The following PIEZO2 variants were observed in gnomAD, a reference collection of about 807,000 sequenced individuals.
The protein encoded by PIEZO2 is piezo type mechanosensitive ion channel component 2.
A neutral mutation model predicts 337.3 loss-of-function variants in PIEZO2; 172 were observed. The observed-to-expected ratio is 0.51, with a 90% CI of 0.45 to 0.58. The LOEUF (loss-of-function observed/expected upper bound fraction) is 0.58, where lower values mean the gene tolerates loss of function less well. Ranked by LOEUF, PIEZO2 falls within the 20% of genes least tolerant of loss-of-function variation. The probability of loss-of-function intolerance (pLI) is 0.00; values close to 1 mark genes in which losing one functional copy is unlikely to be tolerated. For synonymous variants in PIEZO2, 1,251 were observed against 1,228.5 expected (o/e 1.02, Z -0.38); for missense variants, 3,028 against 3,391.3 (o/e 0.89, Z 2.66).
At chr18:10,904,314 C>T (rs943119563) in intron 4 of PIEZO2, among the ~76,000 whole-genome samples, 10 of 152,166 alleles carry the variant, frequency 6.6e-5, no homozygotes, top group Admixed American at 2.0e-4. Context: ...CCCATAAAAC[C>T]GAGTTACCGC....
Position 11,009,317 on chromosome 18 carries a change from A to T in PIEZO2, c.161-29657T>A, listed in dbSNP as rs2035818541. Among the ~76,000 whole-genome samples the T allele has an allele frequency of 6.6e-6, 1 of 152,170 alleles. No homozygotes were observed. Among genetic ancestry groups the T allele is most frequent in the African/African-American group, 2.4e-5 (1 of 41,436 alleles). ...CCCCTTGGGAATCTTTAAGAATAGG[A>T]TGGATGTCCAGACTCCACCCCTGGA... On this transcript the variant is annotated intron_variant, in intron 2 of 55. Transcript: ENST00000674853. The surrounding 1 kb of genome is among the most constrained non-coding windows in gnomAD (Gnocchi z 4.6).
Position 11,002,233 on chromosome 18 carries a change from T to C in PIEZO2, c.161-22573A>G, listed in dbSNP as rs2145612872. 6.6e-6 allele frequency among the ~76,000 whole-genome samples: 1 copy of C among 152,318 alleles called. No homozygotes were observed. The highest frequency in any genetic ancestry group is 2.4e-5 in the African/African-American group (1 of 41,576). ...ATTTTTCTCTTGATTTTTTCAACCA[T>C]TTACATTCGCTCCTAGGTCATACAA... On this transcript the variant is annotated intron_variant, in intron 2 of 55. Transcript: ENST00000674853. This position sits in a 1 kb window ranked among gnomAD's most constrained non-coding sequence, Gnocchi z 4.3.
chr18:11,055,248 G>A (rs1260572949), intron 2 of PIEZO2, among the ~76,000 whole-genome samples: 3 of 151,780 alleles, frequency 2.0e-5, no homozygotes, highest in Non-Finnish European at 2.9e-5. Flanking sequence ...TCACCAAGGG[G>A]CAGGGGCAGG....
At chr18:11,139,597 C>T (rs72876017) in intron 1 of PIEZO2, among the ~76,000 whole-genome samples, 17,160 of 152,122 alleles carry the variant, frequency 0.11, 1,399 homozygotes, top group Non-Finnish European at 0.17. Flanking sequence ...AGCAAATAAG[C>T]TATTTGACCT....
At position 10,752,820 on chromosome 18, in the gene PIEZO2, G is replaced by C; in HGVS notation, c.3983C>G (p.Thr1328Ser). The change falls in exon 28 of 56, where the codon ACC becomes AGC. Residue 1328 changes from threonine to serine, a missense_variant. Transcript: ENST00000674853. ...IFSYLFWFVL[T>S]IIFITGTTRI... ...GGTGGTCCCAGTGATGAAGATGATG[G>C]TGAGCACAAACCAGAAGAGGTAGCT... 1 of 1,537,174 alleles carries C rather than the reference G, an allele frequency of 6.5e-7. No individual in the cohort carries two copies. The highest frequency in any genetic ancestry group is 8.7e-7 in the Non-Finnish European group (1 of 1,146,904).
In PIEZO2 at chr18:10,697,869, T is replaced by C. The variant is rs762602420; in HGVS notation, c.6706A>G (p.Thr2236Ala). The change falls in exon 45 of 56, where the codon ACC becomes GCC. Residue 2236 changes from threonine (T) to alanine (A), a missense_variant. Thr to Ala is a moderately conservative substitution (Grantham distance 58). Transcript: ENST00000674853. ...CTTCCTTTTTGACTGCTGTTTCGGG[T>C]GCTTGTGCTGCCTAGAAATAAAAAG... The part of the protein sequence containing the change: ...SNRSQRGSTS[T>A]RNSSQKGSSV... 7.4e-6 allele frequency: 12 copies of C among 1,612,148 alleles called. No homozygotes were observed. Among genetic ancestry groups the C allele is most frequent in the African/African-American group, 1.3e-5 (1 of 74,916 alleles).
In PIEZO2 at chr18:11,001,514, T is replaced by C. The variant is rs2035533494; in HGVS notation, c.161-21854A>G. 6.6e-6 allele frequency among the ~76,000 whole-genome samples: 1 copy of C among 152,094 alleles called. No homozygotes were observed. Among genetic ancestry groups the C allele is most frequent in the Non-Finnish European group, 1.5e-5 (1 of 68,024 alleles). On this transcript the variant is annotated intron_variant, in intron 2 of 55. Coordinates refer to ENST00000674853, the MANE Select transcript of PIEZO2 (RefSeq NM_001378183.1). This position sits in a 1 kb window ranked among gnomAD's most constrained non-coding sequence, Gnocchi z 5.3. ...TGTGATTATCCTCCAGTCCCCTATGTAGCTGTATTTTGTTATGTGTTGTGT... is the reference window on the plus strand; with the variant it reads ...TGTGATTATCCTCCAGTCCCCTATGCAGCTGTATTTTGTTATGTGTTGTGT...
intron 7 of PIEZO2, among the ~76,000 whole-genome samples, chr18:10,851,942 T>A (rs1292585294): frequency 6.6e-6 from 1 of 152,088 alleles, no homozygotes; most frequent in Non-Finnish European, 1.5e-5. Context: ...CTAGATGGCA[T>A]AAAAGATCCT....
At chr18:10,761,632 AC>A (rs1342626998) in intron 23 of PIEZO2, among the ~76,000 whole-genome samples, 1 of 152,250 alleles carries the variant, frequency 6.6e-6, no homozygotes, top group Non-Finnish European at 1.5e-5. Flanking sequence ...AAAATAGTTA[AC>A]ATTTATGGAA....
intron 2 of PIEZO2, among the ~76,000 whole-genome samples, chr18:11,017,008 G>A (rs1471826120): frequency 6.6e-6 from 1 of 152,178 alleles, no homozygotes; most frequent in Non-Finnish European, 1.5e-5. Flanking sequence ...AGTCTCAGGT[G>A]GAAGAACCAG....
chr18:10,745,540 T>C (rs1310600096), intron 30 of PIEZO2, among the ~76,000 whole-genome samples: 2 of 152,170 alleles, frequency 1.3e-5, no homozygotes, highest in Non-Finnish European at 2.9e-5. Flanking sequence ...GTTCAGTTGT[T>C]ATTTTTGTCC....
chr18:10,740,207 T>G (rs1183642342), intron 33 of PIEZO2: 1 of 152,352 alleles, frequency 6.6e-6, no homozygotes, highest in Admixed American at 6.5e-5. Flanking sequence ...CGACCTATAG[T>G]GATATTTTCT....
Position 10,682,285 on chromosome 18 carries a change from G to A in PIEZO2, c.7505C>T (p.Pro2502Leu). 1 of 1,535,212 alleles carries A rather than the reference G, an allele frequency of 6.5e-7. No individual in the cohort carries two copies. Among genetic ancestry groups the A allele is most frequent in the Non-Finnish European group, 8.7e-7 (1 of 1,145,742 alleles). The change falls in exon 50 of 56, where the codon CCT becomes CTT. Residue 2502 changes from proline to leucine, a missense_variant. Coordinates refer to ENST00000674853, the MANE Select transcript of PIEZO2 (RefSeq NM_001378183.1). This position sits in a 1 kb window ranked among gnomAD's most constrained non-coding sequence, Gnocchi z 5.6. ...CTTCTTCTTCTGGCCCCGTGGCTGA[G>A]GGTATCTCTGCAACAGAGAGTTCAG... ...KCWRESEKRY[P>L]QPRGQKKKKV...
chr18:10,976,377 C>T (rs2034441449), intron 3 of PIEZO2, among the ~76,000 whole-genome samples: 1 of 152,218 alleles, frequency 6.6e-6, no homozygotes, highest in Admixed American at 6.5e-5. Flanking sequence ...TTTATGATTT[C>T]TATAAACCCA....
At chr18:11,061,590 C>A (rs1191559959) in intron 2 of PIEZO2, among the ~76,000 whole-genome samples, 1 of 152,072 alleles carries the variant, frequency 6.6e-6, no homozygotes, top group Non-Finnish European at 1.5e-5. Context: ...ACAAAAATCA[C>A]AAGCATTCTT....
rs2038399418 is a variant in PIEZO2, at chr18:10,767,144, A to G, written c.2946+3004T>C. On this transcript the variant is annotated intron_variant, in intron 21 of 55. Coordinates refer to ENST00000674853, the MANE Select transcript of PIEZO2 (RefSeq NM_001378183.1). The surrounding 1 kb of genome is among the most constrained non-coding windows in gnomAD (Gnocchi z 4.2). ...GAGCTGTCCAATAGCCTTCGGAATT[A>G]GAAAGTAGCTGTGTATTTCAAAAGG... Among the ~76,000 whole-genome samples, 1 of 152,126 alleles carries G rather than the reference A, an allele frequency of 6.6e-6. No homozygotes were observed. The highest frequency in any genetic ancestry group is 1.5e-5 in the Non-Finnish European group (1 of 68,042).
intron 1 of PIEZO2, among the ~76,000 whole-genome samples, chr18:11,090,737 A>C (rs962857111): frequency 4.0e-5 from 6 of 151,812 alleles, no homozygotes; most frequent in African/African-American, 9.7e-5. Flanking sequence ...CGGTGAAACC[A>C]GTCTCTACTA....
In PIEZO2 at chr18:10,702,051, C is replaced by T; in HGVS notation, c.6379G>A (p.Gly2127Ser). Residue 2127 changes from glycine to serine, a missense_variant, in exon 43 of 56, where the codon GGT (glycine) becomes AGT (serine). Coordinates refer to ENST00000674853, the MANE Select transcript of PIEZO2 (RefSeq NM_001378183.1). ...PNIIGVEKKE[G>S]YVLYDLIQLL... ...TGGATGAGGTCATAGAGAACATAACCTTCCTTCTTTTCCACTCCTATGATG... is the reference window on the plus strand; with the variant it reads ...TGGATGAGGTCATAGAGAACATAACTTTCCTTCTTTTCCACTCCTATGATG... 1 of 1,536,770 alleles carries T rather than the reference C, an allele frequency of 6.5e-7. No individual in the cohort carries two copies. The highest frequency in any genetic ancestry group is 8.7e-7 in the Non-Finnish European group (1 of 1,146,736).
Position 10,763,086 on chromosome 18 carries a change from TGAACA to T in PIEZO2, c.2954_2958del (p.Leu985GlnfsTer45). On this transcript the variant is annotated frameshift_variant, in exon 22 of 56. Transcript: ENST00000674853. LOFTEE classifies it high-confidence loss of function. ...GCCCAAGAAATCAAAAATACATAGT[TGAACA>T]GAGACACCTGAAAACGTAAAACCAG... 6.5e-7 allele frequency: 1 copy of T among 1,536,780 alleles called. No individual in the cohort carries two copies. The highest frequency in any genetic ancestry group is 8.7e-7 in the Non-Finnish European group (1 of 1,146,798).
Sources: gnomAD v4.1 joint callset for allele counts (sites outside exome capture counted in the v4.1 genomes callset) on GRCh38, gnomAD v4.1.1 for gene constraint, Gnocchi (gnomAD v3.1) non-coding constraint, MANE v1.5 for transcripts, NCBI Gene and HGNC (gene_info 2026-07-23, HGNC 2026-07-21) for gene names.